Variants in SDCCAG8 observed in about 807,000 individuals in gnomAD.
The protein encoded by SDCCAG8 is SHH signaling and ciliogenesis regulator SDCCAG8.
In SDCCAG8, 74 loss-of-function variants were observed where a neutral mutation model predicts 101.8. That is an observed-to-expected ratio of 0.73 (90% CI 0.60 to 0.88). The LOEUF is 0.88. Among genes scored for constraint, SDCCAG8 ranks in the 40% least tolerant of loss-of-function variants. The pLI is 0.00. For synonymous variants in SDCCAG8, 281 were observed against 292.9 expected, an observed-to-expected ratio of 0.96 and a Z score of 0.41; for missense variants, 787 against 822.6, an observed-to-expected ratio of 0.96 and a Z score of 0.53.
At chr1:243,372,695 T>C (rs1356864980) in intron 12 of SDCCAG8, among the ~76,000 whole-genome samples, 1 of 151,760 alleles carries the variant, frequency 6.6e-6, no homozygotes, top group Non-Finnish European at 1.5e-5. Flanking sequence ...GAAATGTTTT[T>C]TTTTAAGAAG....
At chr1:243,385,342 A>C (rs747337986) in intron 13 of SDCCAG8, among the ~76,000 whole-genome samples, 2 of 152,160 alleles carry the variant, frequency 1.3e-5, no homozygotes, top group African/African-American at 4.8e-5. Context: ...GTGAGCTGTG[A>C]TGGCACTGCT....
At chr1:243,462,239 A>G (rs1364789450) in intron 16 of SDCCAG8, among the ~76,000 whole-genome samples, 2 of 152,218 alleles carry the variant, frequency 1.3e-5, no homozygotes, top group East Asian at 1.9e-4. Flanking sequence ...CAACTGCAGG[A>G]GCTGGGATGC....
At chr1:243,352,031 T>C (rs930944307) in intron 12 of SDCCAG8, among the ~76,000 whole-genome samples, 3 of 152,220 alleles carry the variant, frequency 2.0e-5, no homozygotes, top group Non-Finnish European at 4.4e-5. Context: ...ACCTCATTCA[T>C]AGAAACACTG....
At chr1:243,350,493 C>T (rs2076023749) in intron 12 of SDCCAG8, among the ~76,000 whole-genome samples, 1 of 152,180 alleles carries the variant, frequency 6.6e-6, no homozygotes, top group South Asian at 2.1e-4. Flanking sequence ...GCTGGGATTA[C>T]AGACGTGAGC....
At chr1:243,411,205 C>A (rs2080150368) in intron 13 of SDCCAG8, among the ~76,000 whole-genome samples, 1 of 152,112 alleles carries the variant, frequency 6.6e-6, no homozygotes, top group African/African-American at 2.4e-5. Context: ...CCTCAACCTC[C>A]CTGGGCTCAA....
At chr1:243,359,382 A>C (rs1203026789) in intron 12 of SDCCAG8, among the ~76,000 whole-genome samples, 1 of 152,186 alleles carries the variant, frequency 6.6e-6, no homozygotes, top group Non-Finnish European at 1.5e-5. Context: ...TGTACTAAAA[A>C]CTATTCAATT....
chr1:243,472,623 A>C (rs1184568690), intron 16 of SDCCAG8, among the ~76,000 whole-genome samples: 1 of 152,256 alleles, frequency 6.6e-6, no homozygotes, highest in East Asian at 1.9e-4. Flanking sequence ...TGCCTACTGC[A>C]GCTTCCCTCA....
intron 1 of SDCCAG8, among the ~76,000 whole-genome samples, chr1:243,264,049 TCGGGAGGAATGGTTCATTG>T (rs2067393455): frequency 6.6e-6 from 1 of 152,180 alleles, no homozygotes; most frequent in South Asian, 2.1e-4. Context: ...TATCTCGGCC[TCGGGAGGAATGGTTCATTG>T]CATATTCTCT....
chr1:243,479,905 G>A (rs1179496481), intron 16 of SDCCAG8, among the ~76,000 whole-genome samples: 3 of 151,838 alleles, frequency 2.0e-5, no homozygotes, highest in African/African-American at 2.4e-5. Context: ...TCATCCAGGG[G>A]CCTTATTAAA....
intron 5 of SDCCAG8, among the ~76,000 whole-genome samples, chr1:243,287,185 T>G (rs1376333911): frequency 6.6e-6 from 1 of 152,236 alleles, no homozygotes; most frequent in African/African-American, 2.4e-5. Flanking sequence ...AGAGTACTTT[T>G]GTCTTAAACT....
chr1:243,450,605 G>A (rs2083277651), intron 16 of SDCCAG8, among the ~76,000 whole-genome samples: 1 of 152,134 alleles, frequency 6.6e-6, no homozygotes, highest in African/African-American at 2.4e-5. Flanking sequence ...ACAGCATAGG[G>A]TATGTATAAC....
chr1:243,396,883 G>A (rs2079065263), intron 13 of SDCCAG8, among the ~76,000 whole-genome samples: 1 of 152,228 alleles, frequency 6.6e-6, no homozygotes, highest in East Asian at 1.9e-4. Flanking sequence ...CTGGTTAGCA[G>A]TAGAGGATTT....
At chr1:243,273,363 C>A (rs2068251265) in intron 3 of SDCCAG8, among the ~76,000 whole-genome samples, 1 of 151,874 alleles carries the variant, frequency 6.6e-6, no homozygotes, top group Non-Finnish European at 1.5e-5. Flanking sequence ...TTTCCTCATC[C>A]TTTAAAAAAA....
chr1:243,284,218 G>T (rs116904519), intron 4 of SDCCAG8, among the ~76,000 whole-genome samples: 1 of 152,338 alleles, frequency 6.6e-6, no homozygotes, highest in East Asian at 1.9e-4. Context: ...ACTGAGGTAA[G>T]TAGGCCTTTA....
rs184633331 is a variant in SDCCAG8 at position 243,309,323 on chromosome 1, A to G, written c.929+1146A>G. Among the ~76,000 whole-genome samples the G allele has an allele frequency of 3.9e-3, 587 of 152,252 alleles. 6 individuals are homozygous for G. Among genetic ancestry groups the G allele is most frequent in the Non-Finnish European group, 4.0e-3 (274 of 68,026 alleles). ...TTTAAAATGGTGACATAAGTACCTAACTCATAGAGTTACCTTGAGGGGTCA... is the reference window on the plus strand; with the variant it reads ...TTTAAAATGGTGACATAAGTACCTAGCTCATAGAGTTACCTTGAGGGGTCA... On this transcript the variant is annotated intron_variant, in intron 8 of 17. Coordinates refer to ENST00000366541, the MANE Select transcript of SDCCAG8 (RefSeq NM_006642.5).
At chr1:243,432,701 T>A (rs1053176083) in intron 16 of SDCCAG8, among the ~76,000 whole-genome samples, 3 of 152,234 alleles carry the variant, frequency 2.0e-5, no homozygotes, top group African/African-American at 4.8e-5. Flanking sequence ...TATCTTTTGG[T>A]GTGAAGACGT....
In SDCCAG8 at chr1:243,316,811, C is replaced by T. The variant is rs35859404; in HGVS notation, c.986C>T (p.Thr329Met). The T allele has an allele frequency of 5.7e-4, 924 of 1,614,020 alleles. 2 individuals carry two copies. In the African/African-American group the frequency reaches 0.011, roughly 19 times the overall value. Reference protein sequence around the residue: ...LVSVRSSLADTQQREASAYEQ... With the variant: ...LVSVRSSLADMQQREASAYEQ... ...TCCGTAAGGAGCAGCTTGGCAGATA[C>T]GCAGCAAAGAGAAGCAAGTGCTTAT... is the stretch of plus-strand genomic sequence containing the variant. Residue 329 changes from threonine (T) to methionine (M), a missense_variant, in exon 9 of 18, where the codon ACG becomes ATG. Coordinates refer to ENST00000366541, the MANE Select transcript of SDCCAG8 (RefSeq NM_006642.5).
At chr1:243,491,143 C>A (rs1017366636) in intron 17 of SDCCAG8, among the ~76,000 whole-genome samples, 2 of 152,246 alleles carry the variant, frequency 1.3e-5, no homozygotes, top group Admixed American at 6.5e-5. Context: ...TGCCTTTTAA[C>A]TCCCCATCTG....
At chr1:243,375,127 G>A (rs1021145700) in intron 12 of SDCCAG8, among the ~76,000 whole-genome samples, 6 of 152,096 alleles carry the variant, frequency 3.9e-5, no homozygotes, top group Non-Finnish European at 7.4e-5. Context: ...GGAGCATGAG[G>A]TGGGTATGTA....
Sources: allele counts gnomAD v4.1 joint callset (sites outside exome capture counted in the v4.1 genomes callset), GRCh38; gene constraint gnomAD v4.1.1; transcripts MANE v1.5; gene names NCBI Gene and HGNC (gene_info 2026-07-23, HGNC 2026-07-21).